The following TSHZ2 variants were observed in gnomAD, a reference collection of about 807,000 sequenced individuals.
TSHZ2 encodes the protein teashirt zinc finger homeobox 2.
A neutral mutation model predicts 74.4 loss-of-function variants in TSHZ2; 21 were observed. The ratio of observed to expected loss-of-function variants is 0.28; its 90% CI spans 0.20 to 0.41. The LOEUF is 0.41. TSHZ2 is among the 10% of genes least tolerant of loss of function. TSHZ2 has a pLI of 1.00. For synonymous variants in TSHZ2, 540 were observed against 515.3 expected (o/e 1.05, Z -0.65); for missense variants, 1,244 against 1,293.5 (o/e 0.96, Z 0.59).
At chr20:53,320,121 G>A (rs139542751) in intron 2 of TSHZ2, among the ~76,000 whole-genome samples, 46 of 152,210 alleles carry the variant, frequency 3.0e-4, no homozygotes, top group African/African-American at 1.0e-3. Context: ...TCATCGTTAC[G>A]GTCATTATCT....
At chr20:53,296,726 A>T (rs1991387909) in intron 2 of TSHZ2, among the ~76,000 whole-genome samples, 1 of 152,220 alleles carries the variant, frequency 6.6e-6, no homozygotes, top group Non-Finnish European at 1.5e-5. Flanking sequence ...CAAACCCAGA[A>T]ATACATCTCT....
intron 1 of TSHZ2, among the ~76,000 whole-genome samples, chr20:53,009,771 T>C (rs529338798): frequency 8.5e-5 from 13 of 152,306 alleles, no homozygotes; most frequent in African/African-American, 2.9e-4. Context: ...TTCCATGTTA[T>C]TTCAATGGCA....
chr20:53,204,103 G>C (rs143037476), intron 1 of TSHZ2, among the ~76,000 whole-genome samples: 2 of 1,348 alleles, frequency 1.5e-3, no homozygotes, highest in Non-Finnish European at 2.4e-3. Flanking sequence ...ATGATGATAT[G>C]ATATACTATA....
At chr20:53,181,745 G>A (rs1476461682) in intron 1 of TSHZ2, among the ~76,000 whole-genome samples, 6 of 152,052 alleles carry the variant, frequency 3.9e-5, no homozygotes, top group South Asian at 2.1e-4. Flanking sequence ...AAAATTAGCC[G>A]GGCGTGGTGG....
At chr20:52,994,445 A>AATGGATGGATGG (rs377657785) in intron 1 of TSHZ2, among the ~76,000 whole-genome samples, 7,101 of 151,568 alleles carry the variant, frequency 0.047, 210 homozygotes, top group East Asian at 0.085. Context: ...TGAGTGAATG[A>AATGGATGGATGG]ATGGACGGAT....
intron 1 of TSHZ2, among the ~76,000 whole-genome samples, chr20:53,235,448 G>C (rs545388566): frequency 3.3e-5 from 5 of 152,232 alleles, no homozygotes; most frequent in Admixed American, 6.5e-5. Flanking sequence ...GGGATTACAG[G>C]TGCGAGCCAC....
In TSHZ2 at chr20:53,255,013, T is replaced by G; in HGVS notation, c.1555T>G (p.Ser519Ala). Residue 519 changes from serine (S) to alanine (A), a missense_variant, in exon 2 of 3, where the codon TCT becomes GCT. Coordinates refer to ENST00000371497, the MANE Select transcript of TSHZ2 (RefSeq NM_173485.6). This position sits in a 1 kb window ranked among gnomAD's most constrained non-coding sequence, Gnocchi z 4.1. ...GSKGGGDILK[S>A]LENTVTTAIN... ...AAAGGGTGGAGGGGACATTTTGAAA[T>G]CTTTGGAAAATACTGTCACCACAGC... 1 of 1,614,064 alleles carries G rather than the reference T, an allele frequency of 6.2e-7. No homozygotes were observed. Among genetic ancestry groups the G allele is most frequent in the Non-Finnish European group, 8.5e-7 (1 of 1,180,016 alleles).
rs141488979 is a variant in TSHZ2, at chr20:53,164,734, T to C, written c.41-88765T>C. Among the ~76,000 whole-genome samples, 16 of 152,368 alleles carry C rather than the reference T, an allele frequency of 1.1e-4. No homozygotes were observed. The East Asian group carries it at 1.3e-3, about 13-fold the overall frequency. On this transcript the variant is annotated intron_variant, in intron 1 of 2. Coordinates refer to ENST00000371497, the MANE Select transcript of TSHZ2 (RefSeq NM_173485.6). ...ACTAGCCTTCTATAGAAGAAAGCAG[T>C]TGAAGTTTGAGACACTGAAGCTTTC...
rs569596528 is a variant in TSHZ2, at chr20:52,995,544, GT to G, written c.40+22213del. ...AGCTGTCCACTACATTCTCTATAGG[GT>G]TGCAACCAAGTGCTTTGAACTCAGG... On this transcript the variant is annotated intron_variant, in intron 1 of 2. Transcript: ENST00000371497. Among the ~76,000 whole-genome samples the G allele has an allele frequency of 3.3e-5, 5 of 152,062 alleles. No homozygotes were observed. The South Asian group carries it at 1.0e-3, about 32-fold the overall frequency.
intron 1 of TSHZ2, among the ~76,000 whole-genome samples, chr20:53,171,780 T>C (rs1267522090): frequency 6.6e-6 from 1 of 152,184 alleles, no homozygotes; most frequent in Non-Finnish European, 1.5e-5. Flanking sequence ...GACTTTGATA[T>C]GGAAAGTCTA....
chr20:53,203,730 G>T (rs577503945), intron 1 of TSHZ2, among the ~76,000 whole-genome samples: 3 of 152,024 alleles, frequency 2.0e-5, no homozygotes, highest in Non-Finnish European at 4.4e-5. Context: ...ATTTTTATGC[G>T]AAATCTCCTG....
intron 1 of TSHZ2, among the ~76,000 whole-genome samples, chr20:52,997,848 T>G (rs1600637485): frequency 6.6e-6 from 1 of 152,148 alleles, no homozygotes; most frequent in South Asian, 2.1e-4. Flanking sequence ...GGAAAATCTC[T>G]TTGCCTAAAC....
chr20:53,185,740 G>GA, intron 1 of TSHZ2: 1 of 1,533,748 alleles, frequency 6.5e-7, no homozygotes, highest in Non-Finnish European at 8.7e-7. Context: ...CTTGCTAAAT[G>GA]GATGTTCAGT....
Position 53,494,140 on chromosome 20 carries a change from T to A in TSHZ2, c.*7005T>A, listed in dbSNP as rs919759665. On this transcript the variant is annotated 3_prime_UTR_variant, in exon 3 of 3. Transcript: ENST00000371497. The stretch of plus-strand genomic sequence containing the variant: ...TCTCTACTAAAAATACAAAAAACAT[T>A]AGCAGGGCATGGTGGTGCGTGCCTG... The A allele has an allele frequency of 6.6e-6, 1 of 152,008 alleles. No homozygotes were observed. Among genetic ancestry groups the A allele is most frequent in the African/African-American group, 2.4e-5 (1 of 41,366 alleles). 9.4% of individuals were successfully genotyped at this position (152,008 alleles called of 1,614,324 possible).
chr20:53,229,308 C>T (rs1446908449), intron 1 of TSHZ2, among the ~76,000 whole-genome samples: 1 of 152,128 alleles, frequency 6.6e-6, no homozygotes, highest in Non-Finnish European at 1.5e-5. Flanking sequence ...TCACCTTTGC[C>T]CTGGGTCACT....
At chr20:53,358,947 A>G (rs934428739) in intron 2 of TSHZ2, among the ~76,000 whole-genome samples, 1 of 152,218 alleles carries the variant, frequency 6.6e-6, no homozygotes, top group Admixed American at 6.5e-5. Flanking sequence ...TTATTTTAGG[A>G]ATCAAAAACC....
chr20:53,197,278 C>A (rs1440364003), intron 1 of TSHZ2, among the ~76,000 whole-genome samples: 1 of 152,174 alleles, frequency 6.6e-6, no homozygotes, highest in Non-Finnish European at 1.5e-5. Flanking sequence ...ACATTAATAA[C>A]ATATGGTATA....
intron 1 of TSHZ2, among the ~76,000 whole-genome samples, chr20:53,180,086 A>T (rs370917324): frequency 2.0e-5 from 3 of 152,258 alleles, no homozygotes; most frequent in Non-Finnish European, 2.9e-5. Context: ...GAGGAGGTTC[A>T]TGTGGCATTG....
rs892854516 is a variant in TSHZ2 at position 53,489,637 on chromosome 20, A to G, written c.*2502A>G. On this transcript the variant is annotated 3_prime_UTR_variant, in exon 3 of 3. Transcript: ENST00000371497. ...TCATCTGCTTCAACATATAATCGAT[A>G]TGGTTTTGTTAGCGTAATTTCTATG... The G allele has an allele frequency of 3.2e-5, 5 of 157,100 alleles. No individual in the cohort carries two copies. Among genetic ancestry groups the G allele is most frequent in the Admixed American group, 3.1e-4 (5 of 16,082 alleles). 9.7% of individuals were successfully genotyped at this position (157,100 alleles called of 1,614,324 possible). A position where few individuals can be genotyped will look rare whatever the true frequency, so the allele number is the denominator to read the frequency against.
Sources: gnomAD v4.1 joint callset for allele counts (sites outside exome capture counted in the v4.1 genomes callset) on GRCh38, gnomAD v4.1.1 for gene constraint, Gnocchi (gnomAD v3.1) non-coding constraint, MANE v1.5 for transcripts, NCBI Gene and HGNC (gene_info 2026-07-23, HGNC 2026-07-21) for gene names.